The following KDM6A variants were observed in gnomAD, a reference collection of about 807,000 sequenced individuals.
KDM6A encodes lysine demethylase 6A, also known as lysine-specific demethylase 6A.
Under a neutral mutation model 117.6 loss-of-function variants are expected in KDM6A, and 11 were observed. The ratio of observed to expected loss-of-function variants is 0.09; its 90% CI spans 0.06 to 0.15. KDM6A has a LOEUF of 0.15. KDM6A is among the 10% of genes least tolerant of loss of function. KDM6A has a pLI of 1.00. For missense variants in KDM6A, 799 were observed against 1,077.3 expected, an observed-to-expected ratio of 0.74 and a Z score of 3.62; for synonymous variants, 384 against 396.1, an observed-to-expected ratio of 0.97 and a Z score of 0.36.
At position 45,027,782 on chromosome X, in the gene KDM6A, G is replaced by A. The variant is rs17147067; in HGVS notation, c.564+7052G>A. ...GATGTAAAAATGGTGAGGCCTAATC[G>A]TTGTTTTTTGGTACTTTTTTTTTTT... On this transcript the variant is annotated intron_variant, in intron 6 of 29. Transcript: ENST00000611820. Among the ~76,000 whole-genome samples, 646 of 107,824 alleles carry A rather than the reference G, an allele frequency of 6.0e-3. 5 individuals are homozygous for A. The highest frequency in any genetic ancestry group is 0.021 in the African/African-American group (606 of 28,842). 93.6% of individuals were successfully genotyped at this position (107,824 alleles called of 115,157 possible). A position where few individuals can be genotyped will look rare whatever the true frequency, so the allele number is the denominator to read the frequency against.
At chrX:44,966,734 A>G (rs1389933458) in intron 3 of KDM6A, among the ~76,000 whole-genome samples, 2 of 111,010 alleles carry the variant, frequency 1.8e-5, no homozygotes, top group African/African-American at 3.3e-5. Context: ...GGGGTATGCA[A>G]ATGTATTCAG....
At chrX:44,879,108 A>G (rs140174712) in intron 2 of KDM6A, among the ~76,000 whole-genome samples, 1 of 112,375 alleles carries the variant, frequency 8.9e-6, no homozygotes, top group Non-Finnish European at 1.9e-5. Context: ...TTAAACCAAA[A>G]TGAAAGTTCA....
intron 23 of KDM6A, 54 bp from the exon 24 acceptor site, chrX:45,083,406 C>T (rs2148149891): frequency 8.9e-7 from 1 of 1,128,401 alleles, no homozygotes; most frequent in South Asian, 1.8e-5. Context: ...AAATGGTAAA[C>T]TTCCACAGGT....
intron 2 of KDM6A, among the ~76,000 whole-genome samples, chrX:44,947,540 T>C (rs1441350536): frequency 9.1e-6 from 1 of 109,617 alleles, no homozygotes; most frequent in African/African-American, 3.3e-5. Flanking sequence ...CACGCCCGAC[T>C]AATTGTTTTA....
At chrX:44,911,699 G>C (rs753890671) in intron 2 of KDM6A, among the ~76,000 whole-genome samples, 2 of 111,497 alleles carry the variant, frequency 1.8e-5, no homozygotes, top group Non-Finnish European at 1.9e-5. Context: ...AGGTTGTAGC[G>C]AGCCGAGATC....
intron 3 of KDM6A, 74 bp from the exon 4 acceptor site, chrX:44,974,592 T>A (rs2039528413): frequency 1.1e-5 from 8 of 705,756 alleles, no homozygotes; most frequent in Non-Finnish European, 1.8e-5. Context: ...GGGAATCTTG[T>A]TACCGTGTTT....
chrX:45,075,831 T>G (rs181732347), intron 18 of KDM6A, among the ~76,000 whole-genome samples: 2 of 111,986 alleles, frequency 1.8e-5, no homozygotes, highest in African/African-American at 6.5e-5. Context: ...AAATTTCAAA[T>G]TATTACTTGA....
chrX:44,906,697 CGAGA>C (rs768809117), intron 2 of KDM6A, among the ~76,000 whole-genome samples: 1 of 107,772 alleles, frequency 9.3e-6, no homozygotes, highest in Admixed American at 1.0e-4. Context: ...AGAGAGAGAG[CGAGA>C]GAGAGAGAGA....
At chrX:45,036,310 A>G (rs2042812895) in intron 7 of KDM6A, among the ~76,000 whole-genome samples, 1 of 111,765 alleles carries the variant, frequency 8.9e-6, no homozygotes, top group Non-Finnish European at 1.9e-5. Flanking sequence ...GAAATGCCCT[A>G]GGAAATTGTT....
At chrX:44,898,176 CT>C (rs2034046310) in intron 2 of KDM6A, among the ~76,000 whole-genome samples, 1 of 111,881 alleles carries the variant, frequency 8.9e-6, no homozygotes, top group Non-Finnish European at 1.9e-5. Flanking sequence ...CTATCTCACA[CT>C]GCACTGATGC....
At chrX:45,067,649 TTTTG>T (rs1223996643) in intron 17 of KDM6A, among the ~76,000 whole-genome samples, 1 of 96,471 alleles carries the variant, frequency 1.0e-5, no homozygotes, top group African/African-American at 5.1e-5. Flanking sequence ...TGTATCTTTT[TTTTG>T]TTTTTTTTTT....
rs1404724293 is a variant in KDM6A at position 45,034,494 on chromosome X, T to C, written c.565-437T>C. On this transcript the variant is annotated intron_variant, in intron 6 of 29. Transcript: ENST00000611820. Reference sequence around the variant, plus strand: ...CCCTCTATGACAATACTCATAGTGATTTTTTTTGTTTCAGAAGTCCATGTC... The same window carrying C: ...CCCTCTATGACAATACTCATAGTGACTTTTTTTGTTTCAGAAGTCCATGTC... Among the ~76,000 whole-genome samples, 4 of 111,531 alleles carry C rather than the reference T, an allele frequency of 3.6e-5. No homozygotes were observed. The East Asian group carries it at 1.1e-3, about 31-fold the overall frequency.
intron 2 of KDM6A, among the ~76,000 whole-genome samples, chrX:44,937,662 T>C: frequency 9.0e-6 from 1 of 111,703 alleles, no homozygotes; most frequent in Non-Finnish European, 1.9e-5. Flanking sequence ...TCCTATTCCC[T>C]GAGACACAGT....
chrX:45,038,169 G>A (rs2042896570), intron 8 of KDM6A, among the ~76,000 whole-genome samples: 1 of 111,473 alleles, frequency 9.0e-6, no homozygotes, highest in Non-Finnish European at 1.9e-5. Context: ...GTTGCAGTGA[G>A]CTGAGATCTC....
chrX:45,002,440 C>T lies in KDM6A; in HGVS notation c.385-8521C>T, dbSNP rs1329774170. On this transcript the variant is annotated intron_variant, in intron 4 of 29. Transcript: ENST00000611820. ...GAAAGACTGGATGATACCTCTTTAA[C>T]TTTAGCCAGTATGTTTACACACAGA... Among the ~76,000 whole-genome samples the T allele has an allele frequency of 8.0e-5, 9 of 112,222 alleles. No individual in the cohort carries two copies. In the Admixed American group the frequency reaches 8.5e-4, roughly 11 times the overall value.
chrX:44,905,374 G>C (rs1014964963), intron 2 of KDM6A, among the ~76,000 whole-genome samples: 2 of 112,260 alleles, frequency 1.8e-5, no homozygotes, highest in African/African-American at 6.5e-5. Context: ...ACATTGGTCT[G>C]TTGTATTCAG....
intron 20 of KDM6A, 34 bp from the exon 21 acceptor site, chrX:45,079,112 T>G: frequency 9.2e-7 from 1 of 1,086,352 alleles, no homozygotes; most frequent in Non-Finnish European, 1.3e-6. Flanking sequence ...AAATATAATT[T>G]TCATTTTTTA....
intron 27 of KDM6A, 50 bp downstream of exon 27, chrX:45,090,914 AAC>A (rs1289049868): frequency 1.7e-6 from 2 of 1,164,265 alleles, no homozygotes. Flanking sequence ...GGGGAGTGTT[AAC>A]TATTAAGTTT....
intron 2 of KDM6A, among the ~76,000 whole-genome samples, chrX:44,899,039 T>TGTGTGTGTG (rs2034132491): frequency 6.2e-4 from 20 of 32,195 alleles, no homozygotes; most frequent in African/African-American, 3.4e-3. Context: ...GTGTGTGTGT[T>TGTGTGTGTG]TGTTTGTTTT....
Sources: gnomAD v4.1 joint callset for allele counts (sites outside exome capture counted in the v4.1 genomes callset) on GRCh38, gnomAD v4.1.1 for gene constraint, MANE v1.5 for transcripts, NCBI Gene and HGNC (gene_info 2026-07-23, HGNC 2026-07-21) for gene names.